Variants in DNAH1 observed in about 807,000 individuals in gnomAD.
DNAH1 encodes the protein axonemal beta dynein heavy chain 1.
Under a neutral mutation model 484.3 loss-of-function variants are expected in DNAH1, and 327 were observed. That is an observed-to-expected ratio of 0.68 (90% CI 0.62 to 0.74). DNAH1 has a LOEUF of 0.74. DNAH1 is among the 30% of genes least tolerant of loss of function. DNAH1 has a pLI of 0.00. For missense variants in DNAH1, 5,052 were observed against 5,546.8 expected (o/e 0.91, Z 2.83); for synonymous variants, 2,192 against 2,191.9 (o/e 1.00, Z 0.00).
chr3:52,344,977 A>G (rs1195229451), intron 9 of DNAH1, among the ~76,000 whole-genome samples: 1 of 152,248 alleles, frequency 6.6e-6, no homozygotes, highest in Non-Finnish European at 1.5e-5. Context: ...TTCCTCCAGT[A>G]GCAAGAGAGG....
At chr3:52,348,657 C>A (rs1702242304) in intron 12 of DNAH1, among the ~76,000 whole-genome samples, 1 of 152,248 alleles carries the variant, frequency 6.6e-6, no homozygotes, top group Non-Finnish European at 1.5e-5. Flanking sequence ...GAAGATGCTG[C>A]CCCTTGGTGG....
chr3:52,321,634 C>G (rs1194712125), intron 1 of DNAH1: 1 of 152,216 alleles, frequency 6.6e-6, no homozygotes, highest in African/African-American at 2.4e-5. Flanking sequence ...ACTCTATAAA[C>G]CCTTGTCCTC....
At chr3:52,318,795 A>G (rs1701042792) in intron 1 of DNAH1, among the ~76,000 whole-genome samples, 1 of 152,196 alleles carries the variant, frequency 6.6e-6, no homozygotes, top group Non-Finnish European at 1.5e-5. Flanking sequence ...GGGAGCAATA[A>G]CCATTCATGG....
intron 50 of DNAH1, 34 bp downstream of exon 50, chr3:52,382,489 G>A (rs1350879921): frequency 1.9e-6 from 3 of 1,610,434 alleles, no homozygotes; most frequent in Non-Finnish European, 2.5e-6. Context: ...AGGGCTCGGG[G>A]GGGCTGGACA....
At position 52,378,774 on chromosome 3, in the gene DNAH1, G is replaced by A. The variant is rs1487753085; in HGVS notation, c.7371G>A (p.Lys2457=). ...FQGMLMADPA[K]VEDQVQLLRL... is the part of the protein sequence containing the mutation. ...GCATGCTCATGGCTGACCCGGCCAA[G>A]GTCGAGGTGAGGACCAGGCAGGCAC... Residue 2457 remains lysine (K), a synonymous_variant, in exon 47 of 78, where the codon AAG becomes AAA. Transcript: ENST00000420323. The A allele has an allele frequency of 1.2e-6, 2 of 1,613,446 alleles. No homozygotes were observed. The highest frequency in any genetic ancestry group is 1.3e-5 in the African/African-American group (1 of 74,910).
chr3:52,326,235 C>T lies in DNAH1; in HGVS notation c.502C>T (p.Leu168=). 1 of 1,613,246 alleles carries T rather than the reference C, an allele frequency of 6.2e-7. No homozygotes were observed. The highest frequency in any genetic ancestry group is 8.5e-7 in the Non-Finnish European group (1 of 1,179,718). Residue 168 remains leucine, a synonymous_variant, in exon 4 of 78, where the codon CTG becomes TTG. Coordinates refer to ENST00000420323, the MANE Select transcript of DNAH1 (RefSeq NM_015512.5). The stretch of plus-strand genomic sequence containing the variant: ...GCTGCTCGCCCAGACTGACTTCCCA[C>T]TGCAGGCCTACGAGCCCAAGATGCA... The part of the protein sequence containing the change: ...TRLLAQTDFP[L]QAYEPKMQVP...
intron 44 of DNAH1, chr3:52,374,747 G>C (rs878928760): frequency 9.9e-6 from 12 of 1,207,174 alleles, no homozygotes; most frequent in East Asian, 2.3e-5. Flanking sequence ...CCCTGAATCT[G>C]TTCATAGAGA....
Position 52,322,552 on chromosome 3 carries a change from AC to A in DNAH1, c.113del (p.Pro38ArgfsTer45). On this transcript the variant is annotated frameshift_variant, in exon 2 of 78. Transcript: ENST00000420323. LOFTEE classifies it high-confidence loss of function. ...GGGACCCACAGGGGCCTAGAGTATA[AC>A]CCGGGGAAGATTCTTCCAGGATCAG... ...QVGTHRGLEY[N>X]PGKILPGSDY... The A allele has an allele frequency of 6.2e-7, 1 of 1,613,724 alleles. No homozygotes were observed. The highest frequency in any genetic ancestry group is 8.5e-7 in the Non-Finnish European group (1 of 1,179,820).
chr3:52,379,841 T>G lies in DNAH1; in HGVS notation c.7378-64T>G. 4.2e-6 allele frequency: 6 copies of G among 1,414,260 alleles called. No individual in the cohort carries two copies. The highest frequency in any genetic ancestry group is 1.4e-5 in the African/African-American group (1 of 70,010). 87.6% of individuals were successfully genotyped at this position (1,414,260 alleles called of 1,614,324 possible). On this transcript the variant is annotated intron_variant, in intron 47 of 77. Coordinates refer to ENST00000420323, the MANE Select transcript of DNAH1 (RefSeq NM_015512.5). The surrounding 1 kb of genome is among the most constrained non-coding windows in gnomAD (Gnocchi z 4.4). ...CTGGGGCCCACCCTCCCTTGCCTGG[T>G]GGTTTGAGAGATAGCTGAGGGCTTG...
rs2153225282 is a variant in DNAH1, at chr3:52,384,666, AG to A, written c.8323-118del. On this transcript the variant is annotated intron_variant, in intron 52 of 77. Transcript: ENST00000420323. ...GTGAGGCTCATAGAGTGAATGTGAGAGGCATGGAGGTTCCTGCTGTGGCCCC... is the reference window on the plus strand; with the variant it reads ...GTGAGGCTCATAGAGTGAATGTGAGAGCATGGAGGTTCCTGCTGTGGCCCC... 5.0e-6 allele frequency: 5 copies of A among 995,998 alleles called. No homozygotes were observed. The South Asian group carries it at 8.7e-5, about 17-fold the overall frequency. The allele number at this position is 995,998 out of a possible 1,614,324, so 61.7% of individuals were successfully genotyped here. A position where few individuals can be genotyped will look rare whatever the true frequency, so the allele number is the denominator to read the frequency against.
At chr3:52,357,789 G>A (rs769102475) in intron 23 of DNAH1, 54 bp downstream of exon 23, 138 of 1,573,486 alleles carry the variant, frequency 8.8e-5, no homozygotes, top group Admixed American at 1.9e-4. Context: ...CAAGGCTGAG[G>A]TGTCCAGGGC....
In DNAH1 at chr3:52,382,432, A is replaced by G. The variant is rs751661258; in HGVS notation, c.7918A>G (p.Thr2640Ala). The stretch of plus-strand genomic sequence containing the variant: ...GGCGGGCCTACAGAACCTACCCATC[A>G]CCTTCCTCTTCTCAGACACCCAGGT... ...LKAGLQNLPI[T>A]FLFSDTQIKN... Residue 2640 changes from threonine to alanine, a missense_variant, in exon 50 of 78, where the codon ACC (threonine) becomes GCC (alanine). Coordinates refer to ENST00000420323, the MANE Select transcript of DNAH1 (RefSeq NM_015512.5). 9 of 1,613,926 alleles carry G rather than the reference A, an allele frequency of 5.6e-6. No individual in the cohort carries two copies. The South Asian group carries it at 9.9e-5, about 18-fold the overall frequency.
At chr3:52,369,396 A>G (rs1703221763) in intron 37 of DNAH1, among the ~76,000 whole-genome samples, 1 of 152,152 alleles carries the variant, frequency 6.6e-6, no homozygotes, top group Non-Finnish European at 1.5e-5. Flanking sequence ...AAAGAGGGAT[A>G]TGGCCTGGGC....
In DNAH1 at chr3:52,353,330, C is replaced by A; in HGVS notation, c.3226+29C>A. On this transcript the variant is annotated intron_variant, in intron 19 of 77. Coordinates refer to ENST00000420323, the MANE Select transcript of DNAH1 (RefSeq NM_015512.5). The surrounding 1 kb of genome is among the most constrained non-coding windows in gnomAD (Gnocchi z 5.0). ...GGGAGCCAAGCCGGCCAATCCCCTC[C>A]TCCCTGCCTCTGCCGCCTGCCTCTC... is the stretch of plus-strand genomic sequence containing the variant. 1 of 1,608,426 alleles carries A rather than the reference C, an allele frequency of 6.2e-7. No individual in the cohort carries two copies. Among genetic ancestry groups the A allele is most frequent in the Non-Finnish European group, 8.5e-7 (1 of 1,176,006 alleles).
chr3:52,344,470 T>A lies in DNAH1; in HGVS notation c.1287-20T>A. ...GGGTGTGGAGCCCCTGATTCCCCCA[T>A]CTCCCATCTCTATGGGCAGGGTTCT... On this transcript the variant is annotated intron_variant, in intron 8 of 77. Coordinates refer to ENST00000420323, the MANE Select transcript of DNAH1 (RefSeq NM_015512.5). 1 of 1,609,528 alleles carries A rather than the reference T, an allele frequency of 6.2e-7. No individual in the cohort carries two copies. Among genetic ancestry groups the A allele is most frequent in the Non-Finnish European group, 8.5e-7 (1 of 1,176,628 alleles).
intron 8 of DNAH1, among the ~76,000 whole-genome samples, chr3:52,335,394 G>A: frequency 7.5e-6 from 1 of 133,408 alleles, no homozygotes; most frequent in Non-Finnish European, 1.6e-5. Context: ...AACAAAAAAA[G>A]CAATGTGTGA....
At chr3:52,320,986 G>A (rs1446749185) in intron 1 of DNAH1, among the ~76,000 whole-genome samples, 1 of 151,542 alleles carries the variant, frequency 6.6e-6, no homozygotes, top group Admixed American at 6.6e-5. Flanking sequence ...TTTTAGTAGA[G>A]ATGGGGTTTT....
rs1221811883 is a variant in DNAH1, at chr3:52,361,390, G to T, written c.4874+38G>T. 5 of 1,516,842 alleles carry T rather than the reference G, an allele frequency of 3.3e-6. No homozygotes were observed. In the Admixed American group the frequency reaches 1.1e-4, roughly 32 times the overall value. The allele number at this position is 1,516,842 out of a possible 1,614,324, so 94.0% of individuals were successfully genotyped here. A position where few individuals can be genotyped will look rare whatever the true frequency, so the allele number is the denominator to read the frequency against. ...ATGAGCGTGGCACAGGATGGGGTGG[G>T]ACAGCCTAGCTCTCCTTGGGGAGGG... On this transcript the variant is annotated intron_variant, in intron 29 of 77. Coordinates refer to ENST00000420323, the MANE Select transcript of DNAH1 (RefSeq NM_015512.5). This position sits in a 1 kb window ranked among gnomAD's most constrained non-coding sequence, Gnocchi z 5.6.
Position 52,350,481 on chromosome 3 carries a change from A to T in DNAH1, c.2647-27A>T, listed in dbSNP as rs369154543. ...CCCACCACCTCCCTGGCACACGTGAAGTTCTCATTACCACCTGTCTGTGCA... is the reference window on the plus strand; with the variant it reads ...CCCACCACCTCCCTGGCACACGTGATGTTCTCATTACCACCTGTCTGTGCA... On this transcript the variant is annotated intron_variant, in intron 15 of 77. Transcript: ENST00000420323. 632 of 1,609,448 alleles carry T rather than the reference A, an allele frequency of 3.9e-4. 2 individuals carry two copies. Among genetic ancestry groups the T allele is most frequent in the Non-Finnish European group, 4.6e-4 (536 of 1,176,460 alleles).
Sources: gnomAD v4.1 joint callset for allele counts (sites outside exome capture counted in the v4.1 genomes callset) on GRCh38, gnomAD v4.1.1 for gene constraint, Gnocchi (gnomAD v3.1) non-coding constraint, MANE v1.5 for transcripts, NCBI Gene and HGNC (gene_info 2026-07-23, HGNC 2026-07-21) for gene names.